Variants in SLC24A2 observed in about 807,000 individuals in gnomAD.
SLC24A2 encodes the protein sodium/potassium/calcium exchanger 2.
SLC24A2 carries 36 observed loss-of-function variants against 62.0 expected under a neutral mutation model. That is an observed-to-expected ratio of 0.58 (90% CI 0.44 to 0.77). SLC24A2 has a LOEUF of 0.77. Ranked by LOEUF, SLC24A2 falls within the 30% of genes least tolerant of loss-of-function variation. The pLI is 0.00. For missense variants in SLC24A2, 846 were observed against 817.9 expected (o/e 1.03, Z -0.42); for synonymous variants, 358 against 294.0 (o/e 1.22, Z -2.23).
the SLC24A2 span, among the ~76,000 whole-genome samples, chr9:19,895,438 C>T: frequency 6.6e-6 from 1 of 151,782 alleles, no homozygotes; most frequent in Non-Finnish European, 1.5e-5. Flanking sequence ...CTGGCATTGT[C>T]AGTTCTGAGG....
At chr9:19,659,166 A>G (rs1355222203) in intron 2 of SLC24A2, among the ~76,000 whole-genome samples, 1 of 152,182 alleles carries the variant, frequency 6.6e-6, no homozygotes, top group African/African-American at 2.4e-5. Flanking sequence ...ACAGAGAGAC[A>G]CACAGAGGGA....
rs1002024833 is a variant in SLC24A2, at chr9:19,513,793, C to A, written c.*2360G>T. Reference sequence around the variant, plus strand: ...AATATAAAATTCACACAATAACCAACTTGGTTGCCCTTCAAGAAATACACA... The same window carrying A: ...AATATAAAATTCACACAATAACCAAATTGGTTGCCCTTCAAGAAATACACA... On this transcript the variant is annotated 3_prime_UTR_variant, in exon 11 of 11. Coordinates refer to ENST00000341998, the MANE Select transcript of SLC24A2 (RefSeq NM_020344.4). 3.9e-5 allele frequency: 6 copies of A among 152,200 alleles called. No individual in the cohort carries two copies. Among genetic ancestry groups the A allele is most frequent in the African/African-American group, 1.2e-4 (5 of 41,442 alleles). 9.4% of individuals were successfully genotyped at this position (152,200 alleles called of 1,614,324 possible). A position where few individuals can be genotyped will look rare whatever the true frequency, so the allele number is the denominator to read the frequency against.
intron 2 of SLC24A2, among the ~76,000 whole-genome samples, chr9:19,644,159 T>G (rs1278752911): frequency 6.6e-6 from 1 of 151,702 alleles, no homozygotes; most frequent in Non-Finnish European, 1.5e-5. Context: ...TAAGGTGGAG[T>G]GTTAGAAATG....
chr9:20,165,984 A>G, the SLC24A2 span, among the ~76,000 whole-genome samples: 1 of 151,938 alleles, frequency 6.6e-6, no homozygotes, highest in Non-Finnish European at 1.5e-5. Flanking sequence ...TGGAAAAAAG[A>G]CATGAGCAAA....
chr9:19,920,094 G>A, the SLC24A2 span, among the ~76,000 whole-genome samples: 1,167 of 152,150 alleles, frequency 7.7e-3, 9 homozygotes, highest in Non-Finnish European at 0.012. Context: ...AAAATAATTT[G>A]GGGTCCTTGA....
chr9:19,840,651 A>T, the SLC24A2 span, among the ~76,000 whole-genome samples: 1 of 152,202 alleles, frequency 6.6e-6, no homozygotes, highest in African/African-American at 2.4e-5. Flanking sequence ...TTTACATAGG[A>T]TGAAATGTAT....
At chr9:20,249,391 T>C in the SLC24A2 span, among the ~76,000 whole-genome samples, 1 of 152,100 alleles carries the variant, frequency 6.6e-6, no homozygotes, top group Non-Finnish European at 1.5e-5. Flanking sequence ...AACTGTGGGT[T>C]TGTCATAAGG....
the SLC24A2 span, among the ~76,000 whole-genome samples, chr9:19,848,860 G>T: frequency 2.0e-5 from 3 of 152,170 alleles, no homozygotes; most frequent in Non-Finnish European, 2.9e-5. Flanking sequence ...AATAGAAGAT[G>T]TTCAATAAAT....
chr9:19,838,326 C>T, the SLC24A2 span, among the ~76,000 whole-genome samples: 33 of 152,154 alleles, frequency 2.2e-4, no homozygotes, highest in Non-Finnish European at 1.5e-4. Flanking sequence ...GGAAAGGATT[C>T]CCTATTTAAT....
the SLC24A2 span, among the ~76,000 whole-genome samples, chr9:20,279,012 G>C: frequency 6.6e-6 from 1 of 152,116 alleles, no homozygotes; most frequent in African/African-American, 2.4e-5. Context: ...TCATATGGCA[G>C]CAGGAAGGAG....
the SLC24A2 span, among the ~76,000 whole-genome samples, chr9:20,181,185 C>T: frequency 6.3e-3 from 958 of 151,670 alleles, 4 homozygotes; most frequent in African/African-American, 0.018. Context: ...CTAGTTCTTA[C>T]AATCTACAGC....
the SLC24A2 span, among the ~76,000 whole-genome samples, chr9:20,002,746 G>C: frequency 5.3e-5 from 8 of 152,146 alleles, no homozygotes; most frequent in East Asian, 3.9e-4. Context: ...TCCATATATA[G>C]AACAGCCAAA....
chr9:19,850,976 T>TATAC, the SLC24A2 span, among the ~76,000 whole-genome samples: 3 of 47,218 alleles, frequency 6.4e-5, no homozygotes, highest in East Asian at 3.7e-4. Flanking sequence ...TGTATATATA[T>TATAC]ATATATATGT....
intron 2 of SLC24A2, among the ~76,000 whole-genome samples, chr9:19,755,068 A>T (rs547183372): frequency 9.2e-5 from 14 of 152,168 alleles, no homozygotes; most frequent in Non-Finnish European, 1.9e-4. Context: ...CAGGCAAGAG[A>T]GCACAGCAGT....
chr9:20,134,663 A>C, the SLC24A2 span, among the ~76,000 whole-genome samples: 2 of 152,180 alleles, frequency 1.3e-5, no homozygotes, highest in East Asian at 3.9e-4. Context: ...GAGTCCCATT[A>C]GTTTTCTTTG....
At chr9:20,166,569 T>C in the SLC24A2 span, among the ~76,000 whole-genome samples, 747 of 152,108 alleles carry the variant, frequency 4.9e-3, 5 homozygotes, top group African/African-American at 0.017. Flanking sequence ...TATGGTATGT[T>C]TCCTCTTATG....
chr9:19,685,053 G>A (rs1819839690), intron 2 of SLC24A2, among the ~76,000 whole-genome samples: 1 of 152,002 alleles, frequency 6.6e-6, no homozygotes, highest in African/African-American at 2.4e-5. Flanking sequence ...TATAAGTACT[G>A]CATGCTAACT....
chr9:19,758,046 T>C (rs1349761213), intron 2 of SLC24A2, among the ~76,000 whole-genome samples: 1 of 152,132 alleles, frequency 6.6e-6, no homozygotes, highest in African/African-American at 2.4e-5. Flanking sequence ...TGTAGAACCA[T>C]GAGCTAAATA....
chr9:19,534,927 TTG>T (rs1833884701), intron 8 of SLC24A2, among the ~76,000 whole-genome samples: 1 of 152,190 alleles, frequency 6.6e-6, no homozygotes, highest in African/African-American at 2.4e-5. Flanking sequence ...CCTTGAGGAA[TTG>T]CCACACTGTC....
Sources: allele counts gnomAD v4.1 joint callset (sites outside exome capture counted in the v4.1 genomes callset), GRCh38; gene constraint gnomAD v4.1.1; transcripts MANE v1.5; gene names NCBI Gene and HGNC (gene_info 2026-07-23, HGNC 2026-07-21).